ANAPC10: variants seen among roughly 807,000 people sequenced by gnomAD.
The protein encoded by ANAPC10 is anaphase promoting complex subunit 10.
In ANAPC10, 12 loss-of-function variants were observed where a neutral mutation model predicts 22.0. The ratio of observed to expected loss-of-function variants is 0.55; its 90% confidence interval spans 0.35 to 0.88. The LOEUF is 0.88. ANAPC10 is among the 40% of genes least tolerant of loss of function. The pLI is 0.01. For missense variants in ANAPC10, 188 were observed against 220.9 expected (o/e 0.85, Z 0.94); for synonymous variants, 65 against 69.5 (o/e 0.94, Z 0.32).
intron 4 of ANAPC10, among the ~76,000 whole-genome samples, chr4:145,000,557 G>A (rs1466607306): frequency 6.6e-6 from 1 of 152,194 alleles, no homozygotes; most frequent in East Asian, 1.9e-4. Flanking sequence ...AACAGGTGCT[G>A]GAGAGGATGT....
chr4:145,098,216 C>T (rs1748910280), upstream of ANAPC10: 1 of 152,446 alleles, frequency 6.6e-6, no homozygotes, highest in African/African-American at 2.4e-5. Flanking sequence ...AGCTCAATGA[C>T]GTCATATCTC....
chr4:145,097,235 G>T, intron 1 of ANAPC10: 1 of 326,680 alleles, frequency 3.1e-6, no homozygotes, highest in Non-Finnish European at 6.0e-6. Context: ...AATGTTAAAA[G>T]TTCACTTACA....
chr4:145,025,797 A>T (rs1357860641), intron 4 of ANAPC10, among the ~76,000 whole-genome samples: 1 of 152,202 alleles, frequency 6.6e-6, no homozygotes, highest in Non-Finnish European at 1.5e-5. Context: ...TCGATTTGTA[A>T]AAACACAGTA....
chr4:145,037,028 G>A lies in ANAPC10; in HGVS notation c.327+27544C>T, dbSNP rs924240330. 1.3e-4 allele frequency among the ~76,000 whole-genome samples: 19 copies of A among 142,386 alleles called. No individual in the cohort carries two copies. In the South Asian group the frequency reaches 4.5e-3, roughly 33 times the overall value. 93.4% of individuals were successfully genotyped at this position (142,386 alleles called of 152,430 possible). A position where few individuals can be genotyped will look rare whatever the true frequency, so the allele number is the denominator to read the frequency against. ...TGTGTGTGTGTGTGTGTGTGTGTGTGTGTGTGTGTGTATGTGTGTGCATGC... is the reference window on the plus strand; with the variant it reads ...TGTGTGTGTGTGTGTGTGTGTGTGTATGTGTGTGTGTATGTGTGTGCATGC... On this transcript the variant is annotated intron_variant, in intron 4 of 4. Coordinates refer to ENST00000507656, the MANE Select transcript of ANAPC10 (RefSeq NM_001256706.2).
At chr4:145,097,487 C>A (rs1748746045) in intron 1 of ANAPC10, 13 of 1,287,208 alleles carry the variant, frequency 1.0e-5, no homozygotes, top group Non-Finnish European at 1.3e-5. Context: ...TGCAATAGTT[C>A]TGCATACCGT....
chr4:145,089,410 G>A (rs929767855), intron 2 of ANAPC10, among the ~76,000 whole-genome samples: 9 of 152,126 alleles, frequency 5.9e-5, no homozygotes, highest in African/African-American at 2.2e-4. Flanking sequence ...GTTAAGCACA[G>A]CAGATGTACT....
intron 3 of ANAPC10, among the ~76,000 whole-genome samples, chr4:145,081,226 TAA>T (rs70956825): frequency 1.0e-4 from 12 of 115,632 alleles, no homozygotes; most frequent in Non-Finnish European, 9.3e-5. Context: ...AGGTTCTAAG[TAA>T]AAAAAAAAAA....
intron 4 of ANAPC10, among the ~76,000 whole-genome samples, chr4:145,009,687 A>G (rs1186203643): frequency 2.0e-5 from 3 of 152,324 alleles, no homozygotes; most frequent in Admixed American, 1.3e-4. Flanking sequence ...TGGATTAAAG[A>G]CTTAAATGTT....
intron 2 of ANAPC10, among the ~76,000 whole-genome samples, chr4:145,084,808 T>G (rs1395535555): frequency 1.3e-5 from 2 of 152,176 alleles, no homozygotes; most frequent in Admixed American, 1.3e-4. Context: ...CACACTGGTT[T>G]GAAGATTAGG....
chr4:145,016,320 C>A (rs529288821), intron 4 of ANAPC10, among the ~76,000 whole-genome samples: 2 of 152,142 alleles, frequency 1.3e-5, no homozygotes, highest in East Asian at 3.9e-4. Flanking sequence ...TTCTTATACA[C>A]CAATAACAAA....
rs537510384 is a variant in ANAPC10 at position 145,074,456 on chromosome 4, C to T, written c.206+7204G>A. ...AACAGCACCTTCCTCCAAAGAAAAA[C>T]CAAGAAATATGAAAATTTTCCAAAT... On this transcript the variant is annotated intron_variant, in intron 3 of 4. Transcript: ENST00000507656. Among the ~76,000 whole-genome samples, 30 of 152,112 alleles carry T rather than the reference C, an allele frequency of 2.0e-4. No individual in the cohort carries two copies. In the Middle Eastern group the frequency reaches 0.01, roughly 52 times the overall value.
chr4:145,003,862 T>C (rs1281448038), intron 4 of ANAPC10, among the ~76,000 whole-genome samples: 1 of 152,188 alleles, frequency 6.6e-6, no homozygotes, highest in Non-Finnish European at 1.5e-5. Context: ...AACAGGTTTT[T>C]CCAATTCTGT....
chr4:145,033,735 T>C (rs963489587), intron 4 of ANAPC10, among the ~76,000 whole-genome samples: 2 of 152,188 alleles, frequency 1.3e-5, no homozygotes, highest in African/African-American at 4.8e-5. Flanking sequence ...AGGTGCTTGC[T>C]GAAGGCAAAG....
chr4:145,051,968 T>C (rs1579042167), intron 4 of ANAPC10, among the ~76,000 whole-genome samples: 1 of 152,210 alleles, frequency 6.6e-6, no homozygotes, highest in East Asian at 1.9e-4. Context: ...TGAAAAACTG[T>C]ATGTTAAAGA....
In ANAPC10 at chr4:145,028,516, T is replaced by C. The variant is rs116114204; in HGVS notation, c.328-32913A>G. 9.0e-3 allele frequency among the ~76,000 whole-genome samples: 1,368 copies of C among 152,222 alleles called. 16 individuals are homozygous for C. Among genetic ancestry groups the C allele is most frequent in the African/African-American group, 0.032 (1,310 of 41,518 alleles). ...TAGCTCTTTCCCTCAAAAAGAACCA[T>C]GACTAATACAGCTTTTGGTACCAGG... is the stretch of plus-strand genomic sequence containing the variant. On this transcript the variant is annotated intron_variant, in intron 4 of 4. Transcript: ENST00000507656.
intron 4 of ANAPC10, among the ~76,000 whole-genome samples, chr4:145,020,997 C>G (rs923123945): frequency 1.3e-5 from 2 of 151,946 alleles, no homozygotes; most frequent in Admixed American, 1.3e-4. Flanking sequence ...ATGGTAGAAT[C>G]AAAATTGTGA....
At chr4:145,024,098 C>T (rs1053958464) in intron 4 of ANAPC10, among the ~76,000 whole-genome samples, 22 of 152,286 alleles carry the variant, frequency 1.4e-4, no homozygotes, top group African/African-American at 5.1e-4. Context: ...TAAGATGCAA[C>T]TCCTCATCAG....
chr4:144,994,972 T>C lies in ANAPC10; in HGVS notation c.*401A>G, dbSNP rs2126813436. On this transcript the variant is annotated 3_prime_UTR_variant, in exon 5 of 5. Coordinates refer to ENST00000507656, the MANE Select transcript of ANAPC10 (RefSeq NM_001256706.2). ...ACCTATTAAAGATGATATATATTGA[T>C]AAAACACAGTCTTGTTCTCAAATAT... 1 of 155,732 alleles carries C rather than the reference T, an allele frequency of 6.4e-6. No individual in the cohort carries two copies. The highest frequency in any genetic ancestry group is 1.4e-5 in the Non-Finnish European group (1 of 70,354). 9.6% of individuals were successfully genotyped at this position (155,732 alleles called of 1,614,324 possible).
At chr4:145,008,662 T>A (rs1185391502) in intron 4 of ANAPC10, among the ~76,000 whole-genome samples, 1 of 152,148 alleles carries the variant, frequency 6.6e-6, no homozygotes, top group Non-Finnish European at 1.5e-5. Context: ...AAACTCTCAA[T>A]AAACTAGGAA....
Sources: allele counts gnomAD v4.1 joint callset (sites outside exome capture counted in the v4.1 genomes callset), GRCh38; gene constraint gnomAD v4.1.1; transcripts MANE v1.5; gene names NCBI Gene and HGNC (gene_info 2026-07-23, HGNC 2026-07-21).